NEGR1: variants seen among roughly 807,000 people sequenced by gnomAD.
The protein encoded by NEGR1 is neuronal growth regulator 1, also known as IgLON family member 4.
In NEGR1, 10 loss-of-function variants were observed where a neutral mutation model predicts 40.9. The observed-to-expected ratio is 0.24, with a 90% CI of 0.15 to 0.42. The LOEUF is 0.42. NEGR1 is among the 10% of genes least tolerant of loss of function. The pLI is 1.00. For missense variants in NEGR1, 352 were observed against 438.9 expected (o/e 0.80, Z 1.77); for synonymous variants, 185 against 166.8 (o/e 1.11, Z -0.84).
Position 71,804,599 on chromosome 1 carries a change from G to C in NEGR1, c.410-28302C>G, listed in dbSNP as rs559732639. ...TATGCCTATCTTTACTGCAATCTCT[G>C]AACATAAATTGTGAAGATTTCATGG... is the stretch of plus-strand genomic sequence containing the variant. On this transcript the variant is annotated intron_variant, in intron 2 of 6. Coordinates refer to ENST00000357731, the MANE Select transcript of NEGR1 (RefSeq NM_173808.3). Among the ~76,000 whole-genome samples the C allele has an allele frequency of 4.0e-4, 61 of 152,306 alleles. No individual in the cohort carries two copies. The South Asian group carries it at 5.2e-3, about 13-fold the overall frequency.
At chr1:72,255,549 T>TG in intron 1 of NEGR1, among the ~76,000 whole-genome samples, 1 of 127,588 alleles carries the variant, frequency 7.8e-6, no homozygotes, top group South Asian at 2.3e-4. Flanking sequence ...AAATACTTCT[T>TG]TTTTTTTTTT....
At chr1:71,433,060 C>A (rs766247744) in intron 6 of NEGR1, among the ~76,000 whole-genome samples, 2 of 152,156 alleles carry the variant, frequency 1.3e-5, no homozygotes, top group Non-Finnish European at 2.9e-5. Context: ...GGAATTCTAG[C>A]AAAGAGATTA....
intron 1 of NEGR1, among the ~76,000 whole-genome samples, chr1:71,987,943 A>G (rs1001564038): frequency 2.0e-5 from 3 of 152,150 alleles, no homozygotes; most frequent in Non-Finnish European, 4.4e-5. Context: ...TGCTTTGGGG[A>G]CTGTTTAAAA....
intron 2 of NEGR1, among the ~76,000 whole-genome samples, chr1:71,921,411 C>G (rs1447968196): frequency 6.6e-6 from 1 of 152,042 alleles, no homozygotes; most frequent in Non-Finnish European, 1.5e-5. Flanking sequence ...TCCATGTACA[C>G]TTGGATTTTC....
intron 2 of NEGR1, among the ~76,000 whole-genome samples, chr1:71,835,340 C>A (rs1658989450): frequency 6.6e-6 from 1 of 152,100 alleles, no homozygotes; most frequent in Admixed American, 6.6e-5. Context: ...ACTACAAAGT[C>A]ACATTGCAAA....
At chr1:71,556,642 C>T (rs930916575) in intron 6 of NEGR1, among the ~76,000 whole-genome samples, 2 of 151,104 alleles carry the variant, frequency 1.3e-5, no homozygotes, top group African/African-American at 4.8e-5. Flanking sequence ...CACACACACA[C>T]ACACACACAC....
chr1:71,817,399 A>G (rs907286770), intron 2 of NEGR1, among the ~76,000 whole-genome samples: 1 of 152,060 alleles, frequency 6.6e-6, no homozygotes, highest in Non-Finnish European at 1.5e-5. Flanking sequence ...GGAAAAGCTT[A>G]GTTAGACGTT....
intron 6 of NEGR1, among the ~76,000 whole-genome samples, chr1:71,550,870 G>A (rs1648053433): frequency 1.3e-5 from 2 of 151,526 alleles, no homozygotes; most frequent in Admixed American, 1.3e-4. Context: ...TGTCGAGTTG[G>A]GCAAGCTATG....
intron 2 of NEGR1, among the ~76,000 whole-genome samples, chr1:71,781,598 ACACT>A (rs968136114): frequency 3.3e-5 from 5 of 152,254 alleles, no homozygotes; most frequent in African/African-American, 1.2e-4. Flanking sequence ...TGGCTCATAA[ACACT>A]CACAGATTAC....
At chr1:72,073,125 G>C (rs1295329997) in intron 1 of NEGR1, among the ~76,000 whole-genome samples, 3 of 152,114 alleles carry the variant, frequency 2.0e-5, no homozygotes, top group African/African-American at 7.2e-5. Context: ...GTCCAAAGAA[G>C]ACCTTAAGCT....
In NEGR1 at chr1:72,036,142, A is replaced by C. The variant is rs77453604; in HGVS notation, c.177-100831T>G. ...TTTTAGAATTACACTGTGATTTAGC[A>C]TAAGTACATTTCAGTGAATACTGAG... On this transcript the variant is annotated intron_variant, in intron 1 of 6. Coordinates refer to ENST00000357731, the MANE Select transcript of NEGR1 (RefSeq NM_173808.3). Among the ~76,000 whole-genome samples the C allele has an allele frequency of 5.0e-4, 76 of 152,340 alleles. 1 individual carries two copies. In the East Asian group the frequency reaches 9.5e-3, roughly 19 times the overall value.
chr1:72,275,226 A>G, intron 1 of NEGR1: 1 of 591,812 alleles, frequency 1.7e-6, no homozygotes, highest in Non-Finnish European at 3.0e-6. Context: ...AAAAATTTCT[A>G]TTATTTATTC....
rs182679286 is a variant in NEGR1 at position 72,144,363 on chromosome 1, G to A, written c.176+137956C>T. Among the ~76,000 whole-genome samples, 6 of 151,924 alleles carry A rather than the reference G, an allele frequency of 3.9e-5. No homozygotes were observed. In the East Asian group the frequency reaches 7.8e-4, roughly 20 times the overall value. ...TCTAATATTATCATAATTTTCCAAT[G>A]CTATTTGCCTTTGAGGTGTATTCTA... On this transcript the variant is annotated intron_variant, in intron 1 of 6. Transcript: ENST00000357731.
At chr1:71,671,893 C>CTCTTTTTTTTTTTT (rs1557607231) in intron 4 of NEGR1, among the ~76,000 whole-genome samples, 1 of 121,582 alleles carries the variant, frequency 8.2e-6, no homozygotes. Context: ...CTCTCTCTCT[C>CTCTTTTTTTTTTTT]TTTTTTTTTT....
intron 6 of NEGR1, among the ~76,000 whole-genome samples, chr1:71,507,638 A>T (rs1186628001): frequency 6.6e-6 from 1 of 152,234 alleles, no homozygotes; most frequent in African/African-American, 2.4e-5. Flanking sequence ...TAAAGTACTT[A>T]CTTCCCCCTT....
At chr1:71,684,760 C>T (rs574912796) in intron 4 of NEGR1, among the ~76,000 whole-genome samples, 2 of 152,222 alleles carry the variant, frequency 1.3e-5, no homozygotes, top group Middle Eastern at 3.4e-3. Flanking sequence ...CAGGAGGTAC[C>T]TACATTGATT....
At chr1:71,804,728 G>T (rs1657690943) in intron 2 of NEGR1, among the ~76,000 whole-genome samples, 1 of 152,074 alleles carries the variant, frequency 6.6e-6, no homozygotes, top group Non-Finnish European at 1.5e-5. Context: ...GATGTATGTT[G>T]CCTCAGGACC....
chr1:71,464,258 G>A (rs921826491), intron 6 of NEGR1, among the ~76,000 whole-genome samples: 10 of 152,120 alleles, frequency 6.6e-5, no homozygotes, highest in African/African-American at 2.4e-4. Context: ...TGAGTAAACT[G>A]ATTTTAAATA....
chr1:71,460,099 G>A (rs759306224), intron 6 of NEGR1, among the ~76,000 whole-genome samples: 2 of 152,132 alleles, frequency 1.3e-5, no homozygotes, highest in Non-Finnish European at 2.9e-5. Flanking sequence ...CACAGAATTG[G>A]TATTATAGTA....
Sources: allele counts gnomAD v4.1 joint callset (sites outside exome capture counted in the v4.1 genomes callset), GRCh38; gene constraint gnomAD v4.1.1; transcripts MANE v1.5; gene names NCBI Gene and HGNC (gene_info 2026-07-23, HGNC 2026-07-21).